The following PPM1L variants were observed in gnomAD, a reference collection of about 807,000 sequenced individuals.
The protein encoded by PPM1L is protein phosphatase, Mg2+/Mn2+ dependent 1L, also known as protein phosphatase 1L.
In PPM1L, 13 loss-of-function variants were observed where a neutral mutation model predicts 31.4. That is an observed-to-expected ratio of 0.41 (90% CI 0.27 to 0.66). The LOEUF is 0.66. PPM1L is among the 30% of genes least tolerant of loss of function. PPM1L has a pLI of 0.29. For synonymous variants in PPM1L, 184 were observed against 175.4 expected (o/e 1.05, Z -0.39); for missense variants, 326 against 453.7 (o/e 0.72, Z 2.56).
chr3:160,945,983 G>A (rs1715395778), intron 1 of PPM1L, among the ~76,000 whole-genome samples: 1 of 152,054 alleles, frequency 6.6e-6, no homozygotes, highest in African/African-American at 2.4e-5. Flanking sequence ...TATTGGTAAG[G>A]CTGTCATTCA....
chr3:160,789,500 CTTTA>C (rs1380906659), intron 1 of PPM1L, among the ~76,000 whole-genome samples: 1 of 151,810 alleles, frequency 6.6e-6, no homozygotes, highest in African/African-American at 2.4e-5. Context: ...AAATGTGCAT[CTTTA>C]TTTTATTCCC....
intron 2 of PPM1L, among the ~76,000 whole-genome samples, chr3:160,984,460 A>G (rs940640193): frequency 6.6e-6 from 1 of 152,114 alleles, no homozygotes; most frequent in Non-Finnish European, 1.5e-5. Flanking sequence ...CACATGCTCT[A>G]CAAACAATTT....
At chr3:161,045,765 T>A (rs1719040372) in intron 2 of PPM1L, among the ~76,000 whole-genome samples, 1 of 151,878 alleles carries the variant, frequency 6.6e-6, no homozygotes, top group African/African-American at 2.4e-5. Flanking sequence ...AAGAAATAAC[T>A]AAGATCAGAG....
At chr3:160,906,065 C>CATT (rs1216762222) in intron 1 of PPM1L, among the ~76,000 whole-genome samples, 4 of 151,830 alleles carry the variant, frequency 2.6e-5, no homozygotes, top group Admixed American at 2.6e-4. Context: ...CCTTTCTTAA[C>CATT]ATTATTATTA....
At chr3:161,022,930 C>G (rs867932871) in intron 2 of PPM1L, among the ~76,000 whole-genome samples, 21 of 152,276 alleles carry the variant, frequency 1.4e-4, no homozygotes, top group African/African-American at 5.1e-4. Flanking sequence ...TCCCAAAGTG[C>G]TGGGATTACA....
At chr3:160,928,300 A>G (rs1407382151) in intron 1 of PPM1L, among the ~76,000 whole-genome samples, 1 of 152,158 alleles carries the variant, frequency 6.6e-6, no homozygotes, top group Non-Finnish European at 1.5e-5. Context: ...CTTCACTTCT[A>G]GCAACAGACT....
chr3:160,785,790 G>T (rs1576636527), intron 1 of PPM1L, among the ~76,000 whole-genome samples: 2 of 142,062 alleles, frequency 1.4e-5, no homozygotes, highest in Admixed American at 7.0e-5. Flanking sequence ...CTTCATTTTT[G>T]TTTGTTCCCT....
intron 1 of PPM1L, among the ~76,000 whole-genome samples, chr3:160,907,577 T>A (rs1232002565): frequency 6.6e-6 from 1 of 152,234 alleles, no homozygotes; most frequent in African/African-American, 2.4e-5. Flanking sequence ...TGTTTTGCTT[T>A]TAATTGCTGA....
At chr3:161,044,995 T>C (rs1460817825) in intron 2 of PPM1L, among the ~76,000 whole-genome samples, 1 of 152,100 alleles carries the variant, frequency 6.6e-6, no homozygotes, top group Non-Finnish European at 1.5e-5. Context: ...AAACAGATTT[T>C]AAACCAACAA....
rs144230767 is a variant in PPM1L at position 160,813,913 on chromosome 3, A to G, written c.399+57206A>G. On this transcript the variant is annotated intron_variant, in intron 1 of 3. Transcript: ENST00000498165. ...TTTATTCTAGAAAATAAGTTTTGACAACTTGACAGTACAGATCACTACATC... is the reference window on the plus strand; with the variant it reads ...TTTATTCTAGAAAATAAGTTTTGACGACTTGACAGTACAGATCACTACATC... 2.2e-3 allele frequency among the ~76,000 whole-genome samples: 340 copies of G among 152,348 alleles called. 2 individuals carry two copies. Among genetic ancestry groups the G allele is most frequent in the African/African-American group, 7.8e-3 (324 of 41,590 alleles).
intron 2 of PPM1L, among the ~76,000 whole-genome samples, chr3:161,007,704 C>T (rs1354303355): frequency 2.0e-5 from 3 of 151,666 alleles, no homozygotes; most frequent in Non-Finnish European, 2.9e-5. Context: ...ATGTGTGGCC[C>T]CAGACAATTC....
At chr3:160,985,930 A>G (rs2108039055) in intron 2 of PPM1L, among the ~76,000 whole-genome samples, 1 of 151,968 alleles carries the variant, frequency 6.6e-6, no homozygotes, top group East Asian at 1.9e-4. Context: ...TTATTTTATT[A>G]TAGATGCCTA....
chr3:160,835,149 CTT>C (rs374361985), intron 1 of PPM1L, among the ~76,000 whole-genome samples: 3,184 of 50,528 alleles, frequency 0.063, 178 homozygotes, highest in African/African-American at 0.22. Flanking sequence ...CTTTTTCTTC[CTT>C]TTTTTTTTTT....
chr3:160,862,740 G>A (rs1711948112), intron 1 of PPM1L, among the ~76,000 whole-genome samples: 1 of 150,622 alleles, frequency 6.6e-6, no homozygotes, highest in African/African-American at 2.4e-5. Context: ...AATCCCCAGT[G>A]AGTTTCAATT....
At chr3:161,036,277 A>G (rs1559932523) in intron 2 of PPM1L, among the ~76,000 whole-genome samples, 1 of 152,184 alleles carries the variant, frequency 6.6e-6, no homozygotes, top group Non-Finnish European at 1.5e-5. Flanking sequence ...AAAATCATAA[A>G]GATTTGAGGG....
At chr3:160,771,940 A>G (rs764912196) in intron 1 of PPM1L, among the ~76,000 whole-genome samples, 8 of 152,076 alleles carry the variant, frequency 5.3e-5, no homozygotes, top group African/African-American at 1.9e-4. Flanking sequence ...AGAGAGACCA[A>G]CTGGGGATTC....
intron 1 of PPM1L, among the ~76,000 whole-genome samples, chr3:160,847,371 A>T (rs1714110313): frequency 6.6e-6 from 1 of 152,232 alleles, no homozygotes; most frequent in African/African-American, 2.4e-5. Context: ...GGAATGAAGA[A>T]TTTGCCTGAA....
chr3:160,991,631 A>G (rs191875757), intron 2 of PPM1L, among the ~76,000 whole-genome samples: 3 of 152,308 alleles, frequency 2.0e-5, no homozygotes, highest in East Asian at 1.9e-4. Flanking sequence ...ACAGTCTCCC[A>G]TAAGTCATAC....
intron 2 of PPM1L, among the ~76,000 whole-genome samples, chr3:161,040,403 C>T (rs555758178): frequency 6.6e-6 from 1 of 152,198 alleles, no homozygotes; most frequent in Admixed American, 6.5e-5. Context: ...AACATGTGTA[C>T]TTAATTTAAG....
Sources: gnomAD v4.1 joint callset for allele counts (sites outside exome capture counted in the v4.1 genomes callset) on GRCh38, gnomAD v4.1.1 for gene constraint, MANE v1.5 for transcripts, NCBI Gene and HGNC (gene_info 2026-07-23, HGNC 2026-07-21) for gene names.